Variants in THSD7A observed in about 807,000 individuals in gnomAD.
THSD7A encodes thrombospondin type 1 domain containing 7A, also known as thrombospondin type-1 domain-containing protein 7A.
In THSD7A, 96 loss-of-function variants were observed where a neutral mutation model predicts 231.3. That is an observed-to-expected ratio of 0.41 (90% CI 0.35 to 0.49). The LOEUF (loss-of-function observed/expected upper bound fraction) is 0.49. Ranked by LOEUF, THSD7A falls within the 20% of genes least tolerant of loss-of-function variation. The pLI, the probability that THSD7A is intolerant of heterozygous loss-of-function variation, is 0.05. For missense variants in THSD7A, 2,290 were observed against 2,070.2 expected (o/e 1.11, Z -2.06); for synonymous variants, 940 against 743.3 (o/e 1.26, Z -4.30).
At chr7:11,755,996 T>A (rs1782662705) in intron 1 of THSD7A, among the ~76,000 whole-genome samples, 1 of 152,048 alleles carries the variant, frequency 6.6e-6, no homozygotes, top group African/African-American at 2.4e-5. Context: ...GCACTTATAT[T>A]TCTAAGTTTC....
rs371944683 is a variant in THSD7A, at chr7:11,446,239, A to G, written c.2886T>C (p.Asn962=). The G allele has an allele frequency of 9.3e-6, 15 of 1,613,384 alleles. No homozygotes were observed. Among genetic ancestry groups the G allele is most frequent in the South Asian group, 7.7e-5 (7 of 91,086 alleles). Residue 962 remains asparagine, a synonymous_variant, in exon 13 of 28, where the codon AAT becomes AAC. Coordinates refer to ENST00000423059, the MANE Select transcript of THSD7A (RefSeq NM_015204.3). This position sits in a 1 kb window ranked among gnomAD's most constrained non-coding sequence, Gnocchi z 4.0. ...ETQYCPCDKY[N]AQPVGNWSDC... is the part of the protein sequence containing the mutation. ...CTGACCAGTTCCCCACAGGTTGTGCATTATATTTGTCACAAGGACAATACT... is the reference window on the plus strand; with the variant it reads ...CTGACCAGTTCCCCACAGGTTGTGCGTTATATTTGTCACAAGGACAATACT...
intron 1 of THSD7A, among the ~76,000 whole-genome samples, chr7:11,640,000 G>A (rs1448058815): frequency 6.6e-6 from 1 of 152,116 alleles, no homozygotes; most frequent in African/African-American, 2.4e-5. Context: ...GAAGATGGTT[G>A]CTTTGAAAAT....
intron 4 of THSD7A, among the ~76,000 whole-genome samples, chr7:11,580,548 C>T (rs2128337577): frequency 6.6e-6 from 1 of 152,214 alleles, no homozygotes; most frequent in East Asian, 1.9e-4. Flanking sequence ...AAATACTATG[C>T]AGCCATTAAA....
At chr7:11,409,321 T>A (rs1368827604) in intron 19 of THSD7A, among the ~76,000 whole-genome samples, 2 of 152,222 alleles carry the variant, frequency 1.3e-5, no homozygotes, top group African/African-American at 4.8e-5. Context: ...CCTACTGATG[T>A]GGCACTGAAT....
intron 2 of THSD7A, among the ~76,000 whole-genome samples, chr7:11,630,241 T>C (rs894812090): frequency 3.9e-5 from 6 of 152,112 alleles, no homozygotes; most frequent in Non-Finnish European, 8.8e-5. Flanking sequence ...TAAGCTGTGT[T>C]GAGAAAAAAT....
At chr7:11,424,189 T>A (rs1784242292) in intron 16 of THSD7A, among the ~76,000 whole-genome samples, 1 of 151,408 alleles carries the variant, frequency 6.6e-6, no homozygotes, top group Admixed American at 6.6e-5. Context: ...TTAAACTTAA[T>A]TTTTTTTAAT....
intron 22 of THSD7A, among the ~76,000 whole-genome samples, chr7:11,404,527 A>T (rs1321204695): frequency 1.3e-5 from 2 of 152,220 alleles, no homozygotes; most frequent in Non-Finnish European, 2.9e-5. Flanking sequence ...CCAAAGGTTC[A>T]GTCCTTGGCC....
intron 1 of THSD7A, among the ~76,000 whole-genome samples, chr7:11,689,435 G>C (rs918579194): frequency 1.3e-5 from 2 of 151,820 alleles, no homozygotes; most frequent in African/African-American, 4.8e-5. Context: ...CCTTGGCCTT[G>C]TCATATTCTA....
intron 1 of THSD7A, among the ~76,000 whole-genome samples, chr7:11,672,218 G>A (rs187978759): frequency 1.5e-3 from 224 of 152,190 alleles, no homozygotes; most frequent in Non-Finnish European, 2.4e-3. Flanking sequence ...TAACAGAGAA[G>A]CATTAACCTC....
In THSD7A at chr7:11,814,696, G is replaced by T. The variant is rs1451386279; in HGVS notation, c.190+17061C>A. Reference sequence around the variant, plus strand: ...AACTAAAGAAATTACATTAAATATTGCAGTAAGAGACAGGGAGAGAAATGT... The same window carrying T: ...AACTAAAGAAATTACATTAAATATTTCAGTAAGAGACAGGGAGAGAAATGT... On this transcript the variant is annotated intron_variant, in intron 1 of 27. Coordinates refer to ENST00000423059, the MANE Select transcript of THSD7A (RefSeq NM_015204.3). This position sits in a 1 kb window ranked among gnomAD's most constrained non-coding sequence, Gnocchi z 5.1. 6.6e-6 allele frequency among the ~76,000 whole-genome samples: 1 copy of T among 152,106 alleles called. No homozygotes were observed.
chr7:11,456,994 G>C (rs1469602448), intron 11 of THSD7A, among the ~76,000 whole-genome samples: 1 of 152,018 alleles, frequency 6.6e-6, no homozygotes, highest in African/African-American at 2.4e-5. Context: ...TAACATTTAA[G>C]TTAAATTCTT....
At chr7:11,408,332 T>TA (rs939327549) in intron 19 of THSD7A, among the ~76,000 whole-genome samples, 11 of 151,308 alleles carry the variant, frequency 7.3e-5, no homozygotes, top group African/African-American at 1.5e-4. Flanking sequence ...TCACCTCTAC[T>TA]AAAAAAAATA....
intron 9 of THSD7A, among the ~76,000 whole-genome samples, chr7:11,465,384 C>T (rs2128299407): frequency 6.6e-6 from 1 of 152,098 alleles, no homozygotes; most frequent in Admixed American, 6.6e-5. Context: ...TTAAAAATGC[C>T]TATCCAGGAT....
rs190601093 is a variant in THSD7A at position 11,636,468 on chromosome 7, T to C, written c.684A>G (p.Gly228=). The C allele has an allele frequency of 3.2e-4, 516 of 1,613,670 alleles. No individual in the cohort carries two copies. In the African/African-American group the frequency reaches 5.5e-3, roughly 17 times the overall value. The change falls in exon 2 of 28, where the codon GGA becomes GGG. Residue 228 remains glycine (G), a synonymous_variant. Coordinates refer to ENST00000423059, the MANE Select transcript of THSD7A (RefSeq NM_015204.3). This position sits in a 1 kb window ranked among gnomAD's most constrained non-coding sequence, Gnocchi z 10.0. The part of the protein sequence containing the change: ...TRHVVAPPQF[G]GSGCPNLTEF... Reference sequence around the variant, plus strand: ...CCGTCAGGTTTGGACAGCCAGAGCCTCCGAACTGCGGGGGCGCCACCACAT... The same window carrying C: ...CCGTCAGGTTTGGACAGCCAGAGCCCCCGAACTGCGGGGGCGCCACCACAT...
At chr7:11,563,491 C>T (rs562679026) in intron 4 of THSD7A, among the ~76,000 whole-genome samples, 6 of 152,210 alleles carry the variant, frequency 3.9e-5, no homozygotes, top group African/African-American at 1.4e-4. Context: ...TCCTGAGTAG[C>T]TGGGATTACA....
At chr7:11,741,027 G>C (rs552314545) in intron 1 of THSD7A, among the ~76,000 whole-genome samples, 24 of 151,878 alleles carry the variant, frequency 1.6e-4, no homozygotes, top group Non-Finnish European at 2.4e-4. Context: ...TTCAAACTGA[G>C]ACACTGAAGA....
intron 1 of THSD7A, among the ~76,000 whole-genome samples, chr7:11,717,633 G>A (rs1781185390): frequency 6.6e-6 from 1 of 151,602 alleles, no homozygotes; most frequent in South Asian, 2.1e-4. Context: ...CCACTACTAG[G>A]AGAATATATC....
At position 11,611,840 on chromosome 7, in the gene THSD7A, G is replaced by GTCTATCTATCTA. The variant is rs570012898; in HGVS notation, c.1023-18350_1023-18339dup. Among the ~76,000 whole-genome samples, 237 of 139,524 alleles carry GTCTATCTATCTA rather than the reference G, an allele frequency of 1.7e-3. 5 individuals carry two copies. Among genetic ancestry groups the GTCTATCTATCTA allele is most frequent in the East Asian group, 8.2e-3 (38 of 4,632 alleles). The allele number at this position is 139,524 out of a possible 152,430, so 91.5% of individuals were successfully genotyped here. A position where few individuals can be genotyped will look rare whatever the true frequency, so the allele number is the denominator to read the frequency against. ...CACACACACACACACACTATCATCT[G>GTCTATCTATCTA]TCTATCTATCTATCTATCTATCTAT... On this transcript the variant is annotated intron_variant, in intron 2 of 27. Coordinates refer to ENST00000423059, the MANE Select transcript of THSD7A (RefSeq NM_015204.3).
At chr7:11,614,982 T>C (rs1453461783) in intron 2 of THSD7A, among the ~76,000 whole-genome samples, 1 of 152,214 alleles carries the variant, frequency 6.6e-6, no homozygotes, top group Non-Finnish European at 1.5e-5. Flanking sequence ...GGAACCAATG[T>C]TTTATAAACA....
Sources: gnomAD v4.1 joint callset for allele counts (sites outside exome capture counted in the v4.1 genomes callset) on GRCh38, gnomAD v4.1.1 for gene constraint, Gnocchi (gnomAD v3.1) non-coding constraint, MANE v1.5 for transcripts, NCBI Gene and HGNC (gene_info 2026-07-23, HGNC 2026-07-21) for gene names.